The following OSBPL6 variants were observed in gnomAD, a reference collection of about 807,000 sequenced individuals.
The protein encoded by OSBPL6 is oxysterol-binding protein-related protein 6.
OSBPL6 carries 49 observed loss-of-function variants against 125.8 expected under a neutral mutation model. The ratio of observed to expected loss-of-function variants is 0.39; its 90% CI spans 0.31 to 0.49. The LOEUF is 0.49. Ranked by LOEUF, OSBPL6 falls within the 20% of genes least tolerant of loss-of-function variation. The pLI is 0.88. For missense variants in OSBPL6, 986 were observed against 1,135.4 expected, an observed-to-expected ratio of 0.87 and a Z score of 1.89; for synonymous variants, 394 against 391.8, an observed-to-expected ratio of 1.01 and a Z score of -0.07.
At chr2:178,200,109 A>G (rs2089161105) in intron 1 of OSBPL6, among the ~76,000 whole-genome samples, 1 of 152,238 alleles carries the variant, frequency 6.6e-6, no homozygotes, top group Non-Finnish European at 1.5e-5. Flanking sequence ...CAAAGATTAA[A>G]GCACATTTCT....
Position 178,373,979 on chromosome 2 carries a change from C to T in OSBPL6, c.1485C>T (p.Phe495=). ...RLSMSESVSE[F]FDAQEVLLSA... is the part of the protein sequence containing the mutation. ...CCATGTCAGAGTCTGTTTCTGAGTT[C>T]TTTGATGCCCAAGAGGTGCTCCTCT... The change falls in exon 15 of 25, where the codon TTC becomes TTT. Residue 495 remains phenylalanine, a synonymous_variant. Transcript: ENST00000190611. 6.2e-7 allele frequency: 1 copy of T among 1,614,140 alleles called. No individual in the cohort carries two copies. The highest frequency in any genetic ancestry group is 1.6e-4 in the Middle Eastern group (1 of 6,062).
intron 3 of OSBPL6, among the ~76,000 whole-genome samples, chr2:178,313,437 T>C (rs956757676): frequency 6.6e-6 from 1 of 152,226 alleles, no homozygotes; most frequent in African/African-American, 2.4e-5. Context: ...TGAATTCTTA[T>C]ATGTATCTCC....
At chr2:178,226,022 AAGCAGCCCGGAGCT>A (rs1323098722) in intron 1 of OSBPL6, among the ~76,000 whole-genome samples, 1 of 152,168 alleles carries the variant, frequency 6.6e-6, no homozygotes, top group Non-Finnish European at 1.5e-5. Flanking sequence ...AAGGAAGGCA[AAGCAGCCCGGAGCT>A]AGTAACAGAA....
intron 23 of OSBPL6, among the ~76,000 whole-genome samples, chr2:178,393,564 CCTCT>C (rs1231272569): frequency 6.6e-6 from 1 of 151,988 alleles, no homozygotes; most frequent in Admixed American, 6.6e-5. Context: ...TCTATTTTGC[CCTCT>C]CTCTCTAGAA....
chr2:178,203,497 G>A lies in OSBPL6; in HGVS notation c.-351+8823G>A, dbSNP rs146714948. Among the ~76,000 whole-genome samples, 847 of 152,184 alleles carry A rather than the reference G, an allele frequency of 5.6e-3. 10 individuals are homozygous for A. Among genetic ancestry groups the A allele is most frequent in the African/African-American group, 0.019 (808 of 41,516 alleles). On this transcript the variant is annotated intron_variant, in intron 1 of 24. Coordinates refer to ENST00000190611, the MANE Select transcript of OSBPL6 (RefSeq NM_032523.4). ...TCTCTACTTAACTTTTCGAACATAC[G>A]GAATATAATTATAACTGTTTTTAAT...
chr2:178,207,202 G>A (rs1335754786), intron 1 of OSBPL6, among the ~76,000 whole-genome samples: 30 of 152,210 alleles, frequency 2.0e-4, no homozygotes, highest in Admixed American at 2.0e-3. Context: ...CAAACTTAGT[G>A]GCTTAAAACA....
chr2:178,375,402 T>C (rs1693769487), intron 15 of OSBPL6, among the ~76,000 whole-genome samples: 1 of 148,030 alleles, frequency 6.8e-6, no homozygotes, highest in Admixed American at 6.6e-5. Flanking sequence ...CCTTCTTTTT[T>C]TGTTGTTGTT....
chr2:178,239,656 C>T (rs1006063388), intron 1 of OSBPL6, among the ~76,000 whole-genome samples: 5 of 151,078 alleles, frequency 3.3e-5, no homozygotes, highest in Non-Finnish European at 5.9e-5. Context: ...GATGGAGTCT[C>T]GCTCTGTCGC....
rs1694729575 is a variant in OSBPL6 at position 178,384,138 on chromosome 2, A to G, written c.1975A>G (p.Ile659Val). Residue 659 changes from isoleucine (I) to valine (V), a missense_variant, in exon 18 of 25, where the codon ATT becomes GTT. This residue lies in a region of OSBPL6 where 843 missense variants were observed against 997.3 expected (regional missense o/e 0.85). Coordinates refer to ENST00000190611, the MANE Select transcript of OSBPL6 (RefSeq NM_032523.4). ...NPVLGETYECIREDKGFRFFS... is the reference protein window; with the variant it reads ...NPVLGETYECVREDKGFRFFS... ...AGTCCTTGGGGAGACTTATGAATGC[A>G]TTAGAGAAGACAAGGGATTCCGCTT... 3.1e-6 allele frequency: 5 copies of G among 1,614,044 alleles called. No homozygotes were observed. The highest frequency in any genetic ancestry group is 4.2e-6 in the Non-Finnish European group (5 of 1,180,002).
At chr2:178,216,255 C>A (rs780821462) in intron 1 of OSBPL6, among the ~76,000 whole-genome samples, 4 of 152,118 alleles carry the variant, frequency 2.6e-5, no homozygotes. Context: ...TGAATGATTT[C>A]TCTGTGTTGT....
In OSBPL6 at chr2:178,384,131, T is replaced by C. The variant is rs780618887; in HGVS notation, c.1968T>C (p.Tyr656=). 3.7e-6 allele frequency: 6 copies of C among 1,614,040 alleles called. 1 individual carries two copies. The East Asian group carries it at 1.3e-4, about 36-fold the overall frequency. ...TCAACCCAGTCCTTGGGGAGACTTA[T>C]GAATGCATTAGAGAAGACAAGGGAT... ...KPFNPVLGET[Y]ECIREDKGFR... is the part of the protein sequence containing the mutation. Residue 656 remains tyrosine (Y), a synonymous_variant, in exon 18 of 25, where the codon TAT becomes TAC. Coordinates refer to ENST00000190611, the MANE Select transcript of OSBPL6 (RefSeq NM_032523.4).
rs1696064266 is a variant in OSBPL6 at position 178,400,275 on chromosome 2, ATTGCTGT to A, written c.*4717_*4723del. On this transcript the variant is annotated 3_prime_UTR_variant, in exon 25 of 25. Coordinates refer to ENST00000190611, the MANE Select transcript of OSBPL6 (RefSeq NM_032523.4). ...TTCTTTTTTTGTTAATTTTATTGAT[ATTGCTGT>A]ACTTTTTTTTTTTTTTTTGAGACAG... 1 of 141,610 alleles carries A rather than the reference ATTGCTGT, an allele frequency of 7.1e-6. No homozygotes were observed. Among genetic ancestry groups the A allele is most frequent in the Non-Finnish European group, 1.5e-5 (1 of 64,686 alleles). 8.8% of individuals were successfully genotyped at this position (141,610 alleles called of 1,614,324 possible).
chr2:178,388,387 C>T (rs79437733), intron 20 of OSBPL6, among the ~76,000 whole-genome samples: 6,196 of 152,194 alleles, frequency 0.041, 372 homozygotes, highest in African/African-American at 0.13. Flanking sequence ...CTGCGGTGGC[C>T]CATTGCCTGC....
chr2:178,225,909 C>T (rs2090541508), intron 1 of OSBPL6, among the ~76,000 whole-genome samples: 3 of 152,162 alleles, frequency 2.0e-5, no homozygotes, highest in South Asian at 2.1e-4. Flanking sequence ...GGTGAGAACA[C>T]AGAGCCAAAC....
rs201009296 is a variant in OSBPL6, at chr2:178,331,617, A to T, written c.372+12A>T. ...AGGCACCACTCGATGTAAGTAGCACACAGGACATGTTTCAAAGGTTGATTT... is the reference window on the plus strand; with the variant it reads ...AGGCACCACTCGATGTAAGTAGCACTCAGGACATGTTTCAAAGGTTGATTT... On this transcript the variant is annotated intron_variant, in intron 6 of 24. Coordinates refer to ENST00000190611, the MANE Select transcript of OSBPL6 (RefSeq NM_032523.4). 1.2e-4 allele frequency: 199 copies of T among 1,613,636 alleles called. No individual in the cohort carries two copies. Among genetic ancestry groups the T allele is most frequent in the Non-Finnish European group, 2.7e-5 (32 of 1,179,698 alleles).
Position 178,361,978 on chromosome 2 carries a change from C to T in OSBPL6, c.1287+163C>T, listed in dbSNP as rs529861303. Among the ~76,000 whole-genome samples the T allele has an allele frequency of 1.4e-4, 21 of 152,288 alleles. No homozygotes were observed. The East Asian group carries it at 3.9e-3, about 28-fold the overall frequency. On this transcript the variant is annotated intron_variant, in intron 13 of 24. Transcript: ENST00000190611. ...GCAGTGTCAGTATTAGATTTTACTA[C>T]TTTTCTTCCCCAAAATTTCAAGGTA...
In OSBPL6 at chr2:178,401,780, C is replaced by T. The variant is rs1388067562; in HGVS notation, c.*6221C>T. On this transcript the variant is annotated 3_prime_UTR_variant, in exon 25 of 25. Coordinates refer to ENST00000190611, the MANE Select transcript of OSBPL6 (RefSeq NM_032523.4). ...GAGTCCACAGATCTAGGGTGTGGACCGAGAATCCTCATTGTAACAAGCACC... is the reference window on the plus strand; with the variant it reads ...GAGTCCACAGATCTAGGGTGTGGACTGAGAATCCTCATTGTAACAAGCACC... 8 of 152,206 alleles carry T rather than the reference C, an allele frequency of 5.3e-5. No individual in the cohort carries two copies. Among genetic ancestry groups the T allele is most frequent in the Non-Finnish European group, 1.0e-4 (7 of 68,034 alleles). The allele number at this position is 152,206 out of a possible 1,614,324, so 9.4% of individuals were successfully genotyped here. A position where few individuals can be genotyped will look rare whatever the true frequency, so the allele number is the denominator to read the frequency against.
chr2:178,320,207 G>A, intron 3 of OSBPL6: 1 of 1,520,500 alleles, frequency 6.6e-7, no homozygotes, highest in East Asian at 2.4e-5. Context: ...CTATGTCTTT[G>A]ATACCAAGTA....
chr2:178,389,225 C>A, intron 21 of OSBPL6, 72 bp downstream of exon 21: 2 of 1,425,552 alleles, frequency 1.4e-6, no homozygotes, highest in South Asian at 1.3e-5. Context: ...AGAATAATCA[C>A]CTTAAATAGC....
Sources: allele counts gnomAD v4.1 joint callset (sites outside exome capture counted in the v4.1 genomes callset), GRCh38; gene constraint gnomAD v4.1.1; regional missense constraint gnomAD v4.1.1; transcripts MANE v1.5; gene names NCBI Gene and HGNC (gene_info 2026-07-23, HGNC 2026-07-21).